The following COL18A1 variants were observed in gnomAD, a reference collection of about 807,000 sequenced individuals.
COL18A1 encodes the protein collagen alpha-1(XVIII) chain.
In COL18A1, 133 loss-of-function variants were observed where a neutral mutation model predicts 168.0. The ratio of observed to expected loss-of-function variants is 0.79; its 90% CI spans 0.69 to 0.91. COL18A1 has a LOEUF of 0.91. Ranked by LOEUF, COL18A1 falls within the 40% of genes least tolerant of loss-of-function variation. The probability of loss-of-function intolerance (pLI) is 0.00; values close to 1 mark genes in which losing one functional copy is unlikely to be tolerated. For synonymous variants in COL18A1, 949 were observed against 809.0 expected, an observed-to-expected ratio of 1.17 and a Z score of -2.94; for missense variants, 2,126 against 1,925.4, an observed-to-expected ratio of 1.10 and a Z score of -1.95.
intron 15 of COL18A1, among the ~76,000 whole-genome samples, chr21:45,483,411 G>C (rs1266056841): frequency 6.6e-6 from 1 of 152,132 alleles, no homozygotes; most frequent in Non-Finnish European, 1.5e-5. Flanking sequence ...GCCTTCCTTC[G>C]GGCAGCCTGA....
intron 2 of COL18A1, among the ~76,000 whole-genome samples, chr21:45,417,460 T>C (rs1432702772): frequency 6.6e-6 from 1 of 152,202 alleles, no homozygotes; most frequent in Non-Finnish European, 1.5e-5. Context: ...TTCCCTGTCC[T>C]GCGGTCTGTG....
intron 2 of COL18A1, among the ~76,000 whole-genome samples, chr21:45,418,708 A>C: frequency 6.7e-6 from 1 of 150,272 alleles, no homozygotes. Context: ...GGGGCCTCCC[A>C]GCCACCTCAC....
intron 2 of COL18A1, among the ~76,000 whole-genome samples, chr21:45,434,086 G>A (rs62216299): frequency 0.2 from 12,887 of 64,314 alleles, 511 homozygotes; most frequent in African/African-American, 0.34. Context: ...CATGGGCCAG[G>A]TGTGTGAGCA....
At chr21:45,472,612 C>G (rs1034985071) in intron 3 of COL18A1, among the ~76,000 whole-genome samples, 1 of 152,150 alleles carries the variant, frequency 6.6e-6, no homozygotes, top group Non-Finnish European at 1.5e-5. Flanking sequence ...CCCACCCCCA[C>G]GCAGTAGGTC....
intron 15 of COL18A1, among the ~76,000 whole-genome samples, chr21:45,485,316 A>G (rs2036072500): frequency 6.7e-6 from 1 of 150,170 alleles, no homozygotes; most frequent in Non-Finnish European, 1.5e-5. Context: ...AAACTTTTTT[A>G]TAGGCACTTT....
chr21:45,489,007 C>T (rs1414662607), intron 18 of COL18A1, among the ~76,000 whole-genome samples: 2 of 152,176 alleles, frequency 1.3e-5, no homozygotes, highest in African/African-American at 2.4e-5. Context: ...CACCCCGCTG[C>T]GTGCTCATCA....
At chr21:45,482,097 TG>T in intron 14 of COL18A1, 72 bp downstream of exon 14, 1 of 1,225,488 alleles carries the variant, frequency 8.2e-7, no homozygotes, top group East Asian at 2.4e-5. Context: ...CGGGGGTGCC[TG>T]GTGACGCCCG....
intron 33 of COL18A1, 63 bp downstream of exon 33, chr21:45,504,117 C>T (rs935978064): frequency 3.9e-5 from 60 of 1,556,200 alleles, no homozygotes; most frequent in Non-Finnish European, 5.1e-5. Flanking sequence ...TGGGTGGCTG[C>T]TCCCAATTTC....
chr21:45,485,149 ATTTTTTTTTTTTTTTTTT>A (rs751718038), intron 15 of COL18A1, among the ~76,000 whole-genome samples: 1 of 55,052 alleles, frequency 1.8e-5, no homozygotes, highest in Non-Finnish European at 3.3e-5. Context: ...CACCTGGCTA[ATTTTTTTTTTTTTTTTTT>A]TTTTTTTTTT....
At chr21:45,411,765 G>C (rs1371126420) in intron 2 of COL18A1, among the ~76,000 whole-genome samples, 2 of 127,186 alleles carry the variant, frequency 1.6e-5, no homozygotes, top group South Asian at 2.9e-4. Flanking sequence ...ATGGCGGGGG[G>C]TGGGGGGGGG....
At position 45,471,860 on chromosome 21, in the gene COL18A1, G is replaced by A. The variant is rs900008392; in HGVS notation, c.652-2035G>A. Among the ~76,000 whole-genome samples the A allele has an allele frequency of 2.0e-5, 3 of 152,126 alleles. No homozygotes were observed. The highest frequency in any genetic ancestry group is 7.2e-5 in the African/African-American group (3 of 41,424). ...GTGAGCTCTGTTTCAGGTGTCTCCG[G>A]ATTTCATAACTTTCAGTCCGAAGTC... On this transcript the variant is annotated intron_variant, in intron 3 of 41. Transcript: ENST00000651438. This position sits in a 1 kb window ranked among gnomAD's most constrained non-coding sequence, Gnocchi z 4.4.
chr21:45,442,131 G>A (rs2034386609), intron 2 of COL18A1, among the ~76,000 whole-genome samples: 1 of 152,220 alleles, frequency 6.6e-6, no homozygotes, highest in South Asian at 2.1e-4. Flanking sequence ...CCTTGAGTGG[G>A]TGGCGCTGCC....
At chr21:45,415,094 CACTG>C (rs1243537480) in intron 2 of COL18A1, among the ~76,000 whole-genome samples, 11 of 152,174 alleles carry the variant, frequency 7.2e-5, no homozygotes, top group Non-Finnish European at 1.5e-4. Flanking sequence ...TGCTTTAAGA[CACTG>C]ACTGACTTGT....
intron 2 of COL18A1, among the ~76,000 whole-genome samples, chr21:45,453,609 A>G (rs1267634810): frequency 1.3e-5 from 2 of 152,158 alleles, no homozygotes. Flanking sequence ...AGGGAACCCC[A>G]ATGGTGGACA....
chr21:45,453,346 T>C lies in COL18A1; in HGVS notation c.107-14896T>C, dbSNP rs142347766. ...CATATATGGCATAGCTAAGCATGCA[T>C]GTGCATGTGTTCATGCATGAGCAGG... is the stretch of plus-strand genomic sequence containing the variant. On this transcript the variant is annotated intron_variant, in intron 2 of 41. Transcript: ENST00000651438. Among the ~76,000 whole-genome samples the C allele has an allele frequency of 3.3e-5, 5 of 152,234 alleles. No homozygotes were observed. The South Asian group carries it at 1.0e-3, about 31-fold the overall frequency.
chr21:45,431,108 A>G (rs1569284285), intron 2 of COL18A1, among the ~76,000 whole-genome samples: 1 of 151,856 alleles, frequency 6.6e-6, no homozygotes, highest in Non-Finnish European at 1.5e-5. Flanking sequence ...CCTGTGCGGG[A>G]GGAGGTCGCA....
rs566600704 is a variant in COL18A1 at position 45,457,431 on chromosome 21, T to G, written c.107-10811T>G. ...GCCCGTCCTGAGAGGGAGCCTTTCA[T>G]GTCCCCCTCCCCATCCTGAAGCACA... On this transcript the variant is annotated intron_variant, in intron 2 of 41. Coordinates refer to ENST00000651438, the MANE Select transcript of COL18A1 (RefSeq NM_001379500.1). The surrounding 1 kb of genome is among the most constrained non-coding windows in gnomAD (Gnocchi z 4.6). Among the ~76,000 whole-genome samples, 26 of 152,320 alleles carry G rather than the reference T, an allele frequency of 1.7e-4. No individual in the cohort carries two copies. The highest frequency in any genetic ancestry group is 3.3e-4 in the Admixed American group (5 of 15,306).
chr21:45,456,781 T>G (rs777722407), intron 2 of COL18A1: 1 of 1,543,018 alleles, frequency 6.5e-7, no homozygotes, highest in South Asian at 1.2e-5. Flanking sequence ...CCCTGCAGGA[T>G]GCGTGTTGGA....
chr21:45,510,202 G>A lies in COL18A1; in HGVS notation c.3634G>A (p.Asp1212Asn), dbSNP rs1382539937. The A allele has an allele frequency of 1.9e-6, 3 of 1,603,092 alleles. No homozygotes were observed. Among genetic ancestry groups the A allele is most frequent in the Admixed American group, 1.7e-5 (1 of 59,110 alleles). Reference protein sequence around the residue: ...FRAFLSSRLQDLYSIVRRADR... With the variant: ...FRAFLSSRLQNLYSIVRRADR... ...CGCCTTCCTGTCCTCGCGCCTGCAG[G>A]ACCTGTACAGCATCGTGCGCCGTGC... Residue 1212 changes from aspartate to asparagine, a missense_variant, in exon 40 of 42, where the codon GAC becomes AAC. By Grantham distance (23) the Asp-to-Asn change is conservative. Coordinates refer to ENST00000651438, the MANE Select transcript of COL18A1 (RefSeq NM_001379500.1).
Sources: gnomAD v4.1 joint callset for allele counts (sites outside exome capture counted in the v4.1 genomes callset) on GRCh38, gnomAD v4.1.1 for gene constraint, Gnocchi (gnomAD v3.1) non-coding constraint, MANE v1.5 for transcripts, NCBI Gene and HGNC (gene_info 2026-07-23, HGNC 2026-07-21) for gene names.